FGA: variants seen among roughly 807,000 people sequenced by gnomAD.
FGA encodes the protein fibrinogen, A alpha polypeptide.
FGA carries 20 observed loss-of-function variants against 20.3 expected under a neutral mutation model. The observed-to-expected ratio is 0.99, with a 90% CI of 0.69 to 1.43. The LOEUF is 1.43. FGA is among the 40% of genes most tolerant of loss of function. FGA has a pLI of 0.00. For synonymous variants in FGA, 306 were observed against 281.6 expected (o/e 1.09, Z -0.87); for missense variants, 777 against 784.7 (o/e 0.99, Z 0.12).
At chr4:154,589,637 A>T in intron 1 of FGA, 75 bp from the exon 2 acceptor site, 1 of 1,533,860 alleles carries the variant, frequency 6.5e-7, no homozygotes, top group Middle Eastern at 1.7e-4. Flanking sequence ...TGGCATGCCT[A>T]CAAGTCCCCA....
downstream of FGA, chr4:154,584,661 G>T (rs1428048075): frequency 4.3e-6 from 7 of 1,614,094 alleles, no homozygotes; most frequent in Admixed American, 5.0e-5. Flanking sequence ...AGTCTTGCCA[G>T]GTCCGGTTAA....
chr4:154,586,047 C>T lies in FGA; in HGVS notation c.1382G>A (p.Cys461Tyr). 1 of 1,614,150 alleles carries T rather than the reference C, an allele frequency of 6.2e-7. No homozygotes were observed. The highest frequency in any genetic ancestry group is 8.5e-7 in the Non-Finnish European group (1 of 1,180,022). Residue 461 changes from cysteine to tyrosine, a missense_variant, in exon 5 of 5, where the codon TGC becomes TAC. Cys to Tyr is a radical substitution (Grantham distance 194). Coordinates refer to ENST00000403106, the MANE Select transcript of FGA (RefSeq NM_021871.4). ...SGSTTTTRRS[C>Y]SKTVTKTVIG... is the part of the protein sequence containing the mutation. ...AACAGTCTTAGTAACGGTTTTAGAG[C>T]ATGAACGACGCGTGGTGGTTGTGCT...
rs762752367 is a variant in FGA, at chr4:154,586,849, G to A, written c.580C>T (p.Leu194=). ...TTCTGCTGATCTTCATAGTCCTTCA[G>A]ATCTACTTCACGAGCTAAAGCCCTA... is the stretch of plus-strand genomic sequence containing the variant. ...CSRALAREVD[L]KDYEDQQKQL... The change falls in exon 5 of 5, where the codon CTG becomes TTG. Residue 194 remains leucine, a synonymous_variant. Transcript: ENST00000403106. The A allele has an allele frequency of 4.3e-6, 7 of 1,614,072 alleles. No individual in the cohort carries two copies. The highest frequency in any genetic ancestry group is 5.9e-6 in the Non-Finnish European group (7 of 1,179,996).
chr4:154,590,587 A>G (rs1470498599), intron 1 of FGA, 47 bp downstream of exon 1: 41 of 1,467,564 alleles, frequency 2.8e-5, no homozygotes, highest in Non-Finnish European at 3.8e-5. Flanking sequence ...TCTTTGTGGA[A>G]TAAACACCAG....
At position 154,586,330 on chromosome 4, in the gene FGA, G is replaced by C. The variant is rs769422386; in HGVS notation, c.1099C>G (p.Arg367Gly). 4.3e-6 allele frequency: 7 copies of C among 1,614,194 alleles called. No individual in the cohort carries two copies. The highest frequency in any genetic ancestry group is 5.1e-6 in the Non-Finnish European group (6 of 1,180,026). ...TGTWNPGSSE[R>G]GSAGHWTSES... ...GAGGTCCAGTGCCCAGCACTTCCGCGTTCAGAGCTGCCAGGATTCCAGGTT... is the reference window on the plus strand; with the variant it reads ...GAGGTCCAGTGCCCAGCACTTCCGCCTTCAGAGCTGCCAGGATTCCAGGTT... The change falls in exon 5 of 5, where the codon CGC (arginine) becomes GGC (glycine). Residue 367 changes from arginine (R) to glycine (G), a missense_variant. Coordinates refer to ENST00000403106, the MANE Select transcript of FGA (RefSeq NM_021871.4).
At chr4:154,584,683 C>G, downstream of FGA, 1 of 1,614,128 alleles carries the variant, frequency 6.2e-7, no homozygotes, top group Non-Finnish European at 8.5e-7. Flanking sequence ...ATTCAGTGAT[C>G]CATCCATTCT....
At chr4:154,587,020 C>A in intron 4 of FGA, 102 bp from the exon 5 acceptor site, 1 of 1,240,158 alleles carries the variant, frequency 8.1e-7, no homozygotes, top group Non-Finnish European at 1.1e-6. Flanking sequence ...AAACTGGTTT[C>A]ATTTTTTTTG....
chr4:154,584,324 C>T (rs775785750), downstream of FGA: 1 of 1,614,160 alleles, frequency 6.2e-7, no homozygotes, highest in South Asian at 1.1e-5. Context: ...CCATAGACTT[C>T]TGCACAGTTC....
At chr4:154,589,716 T>C (rs1001142989) in intron 1 of FGA, among the ~76,000 whole-genome samples, 154 bp from the exon 2 acceptor site, 4 of 152,186 alleles carry the variant, frequency 2.6e-5, no homozygotes, top group African/African-American at 7.2e-5. Flanking sequence ...TCAGGTTTCT[T>C]ATCTTCAAAT....
intron 3 of FGA, 45 bp from the exon 4 acceptor site, chr4:154,587,702 G>A (rs1005698682): frequency 9.1e-6 from 14 of 1,544,820 alleles, no homozygotes; most frequent in African/African-American, 1.4e-5. Context: ...TGAGTGATTT[G>A]TCTGTAATTG....
rs1338345377 is a variant in FGA at position 154,587,793 on chromosome 4, AAGAAAGAAAG to A, written c.365-146_365-137del. 332 of 715,820 alleles carry A rather than the reference AAGAAAGAAAG, an allele frequency of 4.6e-4. 2 individuals carry two copies. Among genetic ancestry groups the A allele is most frequent in the African/African-American group, 4.2e-3 (222 of 52,390 alleles). 44.3% of individuals were successfully genotyped at this position (715,820 alleles called of 1,614,324 possible). On this transcript the variant is annotated intron_variant, in intron 3 of 4. Transcript: ENST00000403106. ...AAAGAAAGAAAGAAAGAAAGAAAGA[AAGAAAGAAAG>A]AGAAAAAAGAAAGAAAGAAACTAGC...
At chr4:154,583,517 T>C (rs1030166638), downstream of FGA, 1 of 152,256 alleles carries the variant, frequency 6.6e-6, no homozygotes, top group Non-Finnish European at 1.5e-5. Context: ...TAAGTGTGCA[T>C]TACAACGTCT....
chr4:154,584,666 G>T (rs762511080), downstream of FGA: 3 of 1,614,038 alleles, frequency 1.9e-6, no homozygotes, highest in Non-Finnish European at 2.5e-6. Context: ...TGCCAGGTCC[G>T]GTTAAAATTC....
chr4:154,589,484 A>G lies in FGA; in HGVS notation c.133T>C (p.Ser45Pro), dbSNP rs1395097897. ...GGCCAGTCTGAATCTTTGCAGGCAG[A>G]TTGATGTCTTTCCACAACCCTTGGG... Reference protein sequence around the residue: ...RGPRVVERHQSACKDSDWPFC... With the variant: ...RGPRVVERHQPACKDSDWPFC... The change falls in exon 2 of 5, where the codon TCT becomes CCT. Residue 45 changes from serine (S) to proline (P), a missense_variant. Physicochemically the swap from Ser to Pro is moderately conservative, Grantham distance 74. Coordinates refer to ENST00000403106, the MANE Select transcript of FGA (RefSeq NM_021871.4). 2 of 1,614,114 alleles carry G rather than the reference A, an allele frequency of 1.2e-6. No individual in the cohort carries two copies. Among genetic ancestry groups the G allele is most frequent in the East Asian group, 4.5e-5 (2 of 44,886 alleles).
intron 1 of FGA, 59 bp downstream of exon 1, chr4:154,590,575 G>T: frequency 1.5e-6 from 2 of 1,372,060 alleles, no homozygotes; most frequent in Non-Finnish European, 2.0e-6. Context: ...TGACCTCCAG[G>T]CTCTTTGTGG....
rs373276670 is a variant in FGA at position 154,586,241 on chromosome 4, A to C, written c.1188T>G (p.Asp396Glu). Reference protein sequence around the residue: ...WHSESGSFRPDSPGSGNARPN... With the variant: ...WHSESGSFRPESPGSGNARPN... ...GCCTCGCGTTCCCAGAGCCTGGGCT[A>C]TCTGGCCTAAAACTTCCAGATTCAG... The change falls in exon 5 of 5, where the codon GAT becomes GAG. Residue 396 changes from aspartate (D) to glutamate (E), a missense_variant. Physicochemically the swap from Asp to Glu is conservative, Grantham distance 45. Coordinates refer to ENST00000403106, the MANE Select transcript of FGA (RefSeq NM_021871.4). The C allele has an allele frequency of 5.0e-6, 8 of 1,614,098 alleles. No homozygotes were observed. Among genetic ancestry groups the C allele is most frequent in the Admixed American group, 1.7e-5 (1 of 60,018 alleles).
rs1216002360 is a variant in FGA at position 154,589,452 on chromosome 4, G to A, written c.165C>T (p.Cys55=). The A allele has an allele frequency of 1.9e-6, 3 of 1,614,016 alleles. No homozygotes were observed. The highest frequency in any genetic ancestry group is 1.1e-5 in the South Asian group (1 of 91,078). ...SACKDSDWPF[C]SDEDWNYKCP... Reference sequence around the variant, plus strand: ...GACTGCTTACCCAGTCTTCATCAGAGCAGAAGGGCCAGTCTGAATCTTTGC... The same window carrying A: ...GACTGCTTACCCAGTCTTCATCAGAACAGAAGGGCCAGTCTGAATCTTTGC... The change falls in exon 2 of 5, where the codon TGC becomes TGT. Residue 55 remains cysteine, a synonymous_variant. Transcript: ENST00000403106.
downstream of FGA, chr4:154,584,016 C>T: frequency 2.3e-6 from 2 of 873,948 alleles, no homozygotes; most frequent in Non-Finnish European, 3.9e-6. Context: ...GAAAATAGCA[C>T]CTAGGAATTT....
In FGA at chr4:154,585,806, G is replaced by T; in HGVS notation, c.1623C>A (p.Val541=). 1 of 1,614,126 alleles carries T rather than the reference G, an allele frequency of 6.2e-7. No homozygotes were observed. ...CTGAGCCCCTAGACTCAGTCTCACT[G>T]ACAAACTCTCCTAACATAGGTGAGA... ...GFFSPMLGEF[V]SETESRGSES... The change falls in exon 5 of 5, where the codon GTC becomes GTA. Residue 541 remains valine (V), a synonymous_variant. Coordinates refer to ENST00000403106, the MANE Select transcript of FGA (RefSeq NM_021871.4).
Sources: gnomAD v4.1 joint callset for allele counts (sites outside exome capture counted in the v4.1 genomes callset) on GRCh38, gnomAD v4.1.1 for gene constraint, MANE v1.5 for transcripts, NCBI Gene and HGNC (gene_info 2026-07-23, HGNC 2026-07-21) for gene names.